The following GALM variants were observed in gnomAD, a reference collection of about 807,000 sequenced individuals.
GALM encodes the protein aldose 1-epimerase.
In GALM, 43 loss-of-function variants were observed where a neutral mutation model predicts 37.4. The ratio of observed to expected loss-of-function variants is 1.15; its 90% CI spans 0.90 to 1.48. The LOEUF (loss-of-function observed/expected upper bound fraction) is 1.48, where lower values mean the gene tolerates loss of function less well. Ranked by LOEUF, GALM falls within the 40% of genes most tolerant of loss-of-function variation. The pLI is 0.00. For synonymous variants in GALM, 199 were observed against 170.6 expected (o/e 1.17, Z -1.30); for missense variants, 456 against 419.1 (o/e 1.09, Z -0.77).
chr2:38,715,449 T>C (rs1666251331), intron 4 of GALM, among the ~76,000 whole-genome samples: 1 of 152,190 alleles, frequency 6.6e-6, no homozygotes, highest in Admixed American at 6.5e-5. Context: ...GTTTATTTTT[T>C]GTTTTGGAGA....
rs186745245 is a variant in GALM, at chr2:38,675,882, T to C, written c.191-30T>C. 495 of 1,612,824 alleles carry C rather than the reference T, an allele frequency of 3.1e-4. 3 individuals carry two copies. In the African/African-American group the frequency reaches 5.3e-3, roughly 17 times the overall value. On this transcript the variant is annotated intron_variant, in intron 1 of 6. Coordinates refer to ENST00000272252, the MANE Select transcript of GALM (RefSeq NM_138801.3). Reference sequence around the variant, plus strand: ...CCGTGCCCAGCCTGAATTGAAGTTTTAAAAGTGCTGTCATCCCTTGTCCTT... The same window carrying C: ...CCGTGCCCAGCCTGAATTGAAGTTTCAAAAGTGCTGTCATCCCTTGTCCTT...
chr2:38,682,347 C>T, intron 3 of GALM: 2 of 417,720 alleles, frequency 4.8e-6, no homozygotes, highest in South Asian at 1.7e-5. Context: ...AAGAACTCAT[C>T]ATTGTCTACT....
intron 4 of GALM, among the ~76,000 whole-genome samples, chr2:38,703,054 T>TTTTATATGTATATATATATATA (rs1217839668): frequency 2.1e-4 from 3 of 13,956 alleles, no homozygotes; most frequent in African/African-American, 5.9e-4. Context: ...ATGTGGGATT[T>TTTTATATGTATATATATATATA]TATATATATA....
chr2:38,708,476 T>C (rs2148447115), intron 4 of GALM, among the ~76,000 whole-genome samples: 1 of 152,162 alleles, frequency 6.6e-6, no homozygotes, highest in South Asian at 2.1e-4. Context: ...GCACAGTGGC[T>C]CAAGCCTGTA....
At chr2:38,679,308 A>AT (rs1251337419) in intron 2 of GALM, among the ~76,000 whole-genome samples, 2 of 151,372 alleles carry the variant, frequency 1.3e-5, no homozygotes, top group African/African-American at 4.9e-5. Context: ...TTTAAACAAG[A>AT]TTTTTTTTTC....
chr2:38,733,305 C>T (rs183964517), intron 6 of GALM, among the ~76,000 whole-genome samples, 183 bp from the exon 7 acceptor site: 3 of 151,656 alleles, frequency 2.0e-5, no homozygotes, highest in Admixed American at 1.3e-4. Context: ...CTTCCTTTAA[C>T]AAAGTGTGCT....
Position 38,729,621 on chromosome 2 carries a change from C to A in GALM, c.700C>A (p.Leu234Met). 6.2e-7 allele frequency: 1 copy of A among 1,613,132 alleles called. No homozygotes were observed. The highest frequency in any genetic ancestry group is 1.1e-5 in the South Asian group (1 of 91,048). ...AAAGCCAGTGGAGCTTGGAAAACAC[C>A]TGCAGGACTTCCATCTCAATGGTTT... ...LRKPVELGKH[L>M]QDFHLNGFDH... Residue 234 changes from leucine to methionine, a missense_variant, in exon 5 of 7, where the codon CTG becomes ATG. Coordinates refer to ENST00000272252, the MANE Select transcript of GALM (RefSeq NM_138801.3).
intron 5 of GALM, among the ~76,000 whole-genome samples, chr2:38,730,165 C>T (rs924086556): frequency 3.9e-5 from 6 of 152,238 alleles, no homozygotes; most frequent in African/African-American, 1.4e-4. Context: ...ATCCCAGTTC[C>T]TCATGCCATT....
intron 4 of GALM, among the ~76,000 whole-genome samples, chr2:38,705,925 T>A (rs1307494477): frequency 6.6e-6 from 1 of 151,956 alleles, no homozygotes; most frequent in Non-Finnish European, 1.5e-5. Context: ...GGTTCAGTGG[T>A]CCAACTTCCC....
intron 4 of GALM, among the ~76,000 whole-genome samples, chr2:38,697,359 G>C (rs1213106550): frequency 1.3e-5 from 2 of 152,150 alleles, no homozygotes; most frequent in Admixed American, 1.3e-4. Context: ...TTGCTTCTCA[G>C]ATTGTATCTT....
intron 4 of GALM, among the ~76,000 whole-genome samples, chr2:38,696,345 C>G (rs1665804264): frequency 6.6e-6 from 1 of 152,020 alleles, no homozygotes; most frequent in Admixed American, 6.6e-5. Context: ...TCTTGAACTC[C>G]TGACCTCAGG....
chr2:38,680,038 A>G (rs752298361), intron 2 of GALM: 2 of 455,002 alleles, frequency 4.4e-6, no homozygotes, highest in South Asian at 1.6e-5. Context: ...TTTTTGAGAC[A>G]ATGTCTTACT....
intron 1 of GALM, among the ~76,000 whole-genome samples, chr2:38,667,099 A>C (rs1412370665): frequency 6.6e-6 from 1 of 152,210 alleles, no homozygotes; most frequent in South Asian, 2.1e-4. Flanking sequence ...AATTGCATAA[A>C]TAAAGAATGA....
intron 2 of GALM, among the ~76,000 whole-genome samples, chr2:38,680,834 T>A (rs1449069260): frequency 3.9e-5 from 6 of 152,006 alleles, no homozygotes; most frequent in African/African-American, 1.4e-4. Flanking sequence ...AACAAACATT[T>A]GTAATAATTA....
At chr2:38,729,261 C>T (rs1666546217) in intron 4 of GALM, among the ~76,000 whole-genome samples, 1 of 151,924 alleles carries the variant, frequency 6.6e-6, no homozygotes, top group African/African-American at 2.4e-5. Flanking sequence ...AATCATGGTT[C>T]ACTGTAGCCT....
chr2:38,723,241 T>C lies in GALM; in HGVS notation c.635-6315T>C, dbSNP rs114911566. Among the ~76,000 whole-genome samples, 354 of 152,166 alleles carry C rather than the reference T, an allele frequency of 2.3e-3. 1 individual carries two copies. Among genetic ancestry groups the C allele is most frequent in the African/African-American group, 8.0e-3 (332 of 41,526 alleles). On this transcript the variant is annotated intron_variant, in intron 4 of 6. Transcript: ENST00000272252. ...ATTGTCATACCCAACTAACTCAGAG[T>C]TGAGAGGCCGGGGGAAAAGAGCAGT...
chr2:38,692,329 A>G (rs1392032724), intron 4 of GALM, among the ~76,000 whole-genome samples: 1 of 152,136 alleles, frequency 6.6e-6, no homozygotes, highest in East Asian at 1.9e-4. Flanking sequence ...AGTAACTGCT[A>G]CCCTGCACTT....
intron 4 of GALM, among the ~76,000 whole-genome samples, chr2:38,705,509 A>T (rs1290765948): frequency 2.6e-5 from 4 of 152,190 alleles, no homozygotes; most frequent in Non-Finnish European, 5.9e-5. Flanking sequence ...AAGCCAGGGT[A>T]GAAAGAGGAT....
chr2:38,725,914 G>A (rs1159546055), intron 4 of GALM, among the ~76,000 whole-genome samples: 1 of 151,872 alleles, frequency 6.6e-6, no homozygotes, highest in Admixed American at 6.6e-5. Flanking sequence ...GTTTCGCCAT[G>A]TTGCCCAGGC....
Sources: allele counts gnomAD v4.1 joint callset (sites outside exome capture counted in the v4.1 genomes callset), GRCh38; gene constraint gnomAD v4.1.1; transcripts MANE v1.5; gene names NCBI Gene and HGNC (gene_info 2026-07-23, HGNC 2026-07-21).